TASP1: variants seen among roughly 807,000 people sequenced by gnomAD.
TASP1 encodes the protein taspase 1, also known as threonine aspartase 1.
Under a neutral mutation model 56.6 loss-of-function variants are expected in TASP1, and 16 were observed. The observed-to-expected ratio is 0.28, with a 90% CI of 0.19 to 0.43. The LOEUF is 0.43. Among genes scored for constraint, TASP1 ranks in the 20% least tolerant of loss-of-function variants. The pLI is 1.00. For missense variants in TASP1, 393 were observed against 511.6 expected (o/e 0.77, Z 2.24); for synonymous variants, 179 against 184.2 (o/e 0.97, Z 0.23).
chr20:13,553,990 G>C (rs552849381), intron 8 of TASP1, among the ~76,000 whole-genome samples: 1 of 152,144 alleles, frequency 6.6e-6, no homozygotes, highest in East Asian at 1.9e-4. Flanking sequence ...CTACTAAGGA[G>C]AAGTTTATTG....
intron 13 of TASP1, chr20:13,392,724 G>A: frequency 1.7e-6 from 1 of 573,604 alleles, no homozygotes; most frequent in South Asian, 1.4e-5. Context: ...ATCGGGCGCT[G>A]GTCACCAGGG....
the TASP1 span, among the ~76,000 whole-genome samples, chr20:13,171,933 A>G: frequency 6.6e-6 from 1 of 152,170 alleles, no homozygotes; most frequent in Non-Finnish European, 1.5e-5. Context: ...ATAGGCTGAT[A>G]TGTAAAGGAA....
chr20:13,387,425 G>GTGA (rs1232056827), downstream of TASP1, among the ~76,000 whole-genome samples: 1 of 152,060 alleles, frequency 6.6e-6, no homozygotes, highest in Non-Finnish European at 1.5e-5. Context: ...CTGACCTCAG[G>GTGA]TGATCCACCC....
intron 4 of TASP1, among the ~76,000 whole-genome samples, chr20:13,603,324 A>G (rs980215766): frequency 6.6e-6 from 1 of 152,058 alleles, no homozygotes; most frequent in African/African-American, 2.4e-5. Flanking sequence ...GACAGCTTGA[A>G]TCCGGCAGTT....
the TASP1 span, among the ~76,000 whole-genome samples, chr20:13,306,564 C>CAAAAAAAAAAAAAAAAAAA: frequency 1.6e-4 from 10 of 63,908 alleles, no homozygotes; most frequent in South Asian, 7.8e-4. Context: ...GGAGAAAGGA[C>CAAAAAAAAAAAAAAAAAAA]AAAAAAAAAA....
the TASP1 span, among the ~76,000 whole-genome samples, chr20:13,287,691 A>G: frequency 6.6e-6 from 1 of 152,190 alleles, no homozygotes; most frequent in East Asian, 1.9e-4. Context: ...TATCTCATGT[A>G]CCAAGAATTG....
intron 11 of TASP1, among the ~76,000 whole-genome samples, chr20:13,476,353 T>C (rs1363638929): frequency 1.3e-5 from 2 of 152,212 alleles, no homozygotes; most frequent in African/African-American, 4.8e-5. Context: ...TTCATACATC[T>C]AGGACTACCT....
At chr20:13,324,244 C>G in the TASP1 span, among the ~76,000 whole-genome samples, 1 of 152,272 alleles carries the variant, frequency 6.6e-6, no homozygotes, top group Middle Eastern at 3.4e-3. Flanking sequence ...TTCACAGCCC[C>G]ACCTCACAGG....
chr20:13,432,633 G>A lies in TASP1; in HGVS notation c.1096+2411C>T, dbSNP rs567882498. 6.9e-4 allele frequency among the ~76,000 whole-genome samples: 105 copies of A among 152,204 alleles called. 2 individuals carry two copies. In the South Asian group the frequency reaches 0.019, roughly 27 times the overall value. ...GCATCAACGCCTCCAGTTAATGAAC[G>A]GCAAGGTTTCACTTATTTCATAAAC... is the stretch of plus-strand genomic sequence containing the variant. On this transcript the variant is annotated intron_variant, in intron 12 of 13. Coordinates refer to ENST00000337743, the MANE Select transcript of TASP1 (RefSeq NM_017714.3).
chr20:13,275,761 G>A, the TASP1 span, among the ~76,000 whole-genome samples: 15 of 152,304 alleles, frequency 9.8e-5, no homozygotes, highest in African/African-American at 2.4e-4. Context: ...ATAGATGCTC[G>A]TTGGTGATGA....
At chr20:13,140,444 C>A in the TASP1 span, among the ~76,000 whole-genome samples, 3 of 152,142 alleles carry the variant, frequency 2.0e-5, no homozygotes, top group Non-Finnish European at 4.4e-5. Flanking sequence ...GGTAACCAGG[C>A]ACGAGACTGA....
At chr20:13,561,982 A>C (rs1168149412) in intron 7 of TASP1, among the ~76,000 whole-genome samples, 2 of 152,232 alleles carry the variant, frequency 1.3e-5, no homozygotes, top group Non-Finnish European at 2.9e-5. Flanking sequence ...TCGACAACAG[A>C]ATTCACATTC....
At chr20:13,251,256 C>A in the TASP1 span, among the ~76,000 whole-genome samples, 1 of 152,178 alleles carries the variant, frequency 6.6e-6, no homozygotes, top group Non-Finnish European at 1.5e-5. Context: ...TTCCATCTCA[C>A]CCCCCTTCCA....
intron 10 of TASP1, among the ~76,000 whole-genome samples, chr20:13,496,116 C>T (rs1008729713): frequency 2.6e-5 from 4 of 151,962 alleles, no homozygotes; most frequent in South Asian, 2.1e-4. Flanking sequence ...TGCCCTAGTG[C>T]GATCTCAGCT....
the TASP1 span, among the ~76,000 whole-genome samples, chr20:13,359,773 A>G: frequency 6.6e-6 from 1 of 151,818 alleles, no homozygotes; most frequent in African/African-American, 2.4e-5. Context: ...TTCCTGGACT[A>G]CAGCTATATC....
At chr20:13,111,784 C>T in the TASP1 span, among the ~76,000 whole-genome samples, 1 of 152,200 alleles carries the variant, frequency 6.6e-6, no homozygotes, top group Non-Finnish European at 1.5e-5. Flanking sequence ...CAAAACCCAA[C>T]TGCAAATAAA....
At chr20:13,425,662 T>C (rs1010820414) in intron 12 of TASP1, among the ~76,000 whole-genome samples, 2 of 152,176 alleles carry the variant, frequency 1.3e-5, no homozygotes, top group African/African-American at 2.4e-5. Context: ...CTGGGACATT[T>C]TGCACAGTAT....
chr20:13,275,711 T>C, the TASP1 span, among the ~76,000 whole-genome samples: 1 of 152,220 alleles, frequency 6.6e-6, no homozygotes, highest in Non-Finnish European at 1.5e-5. Context: ...TATGAAGTGC[T>C]TAGCACAGGG....
chr20:13,143,214 C>T, the TASP1 span, among the ~76,000 whole-genome samples: 3 of 152,204 alleles, frequency 2.0e-5, no homozygotes, highest in Non-Finnish European at 2.9e-5. Flanking sequence ...CTGTAGGTGC[C>T]GCAGGTCAGT....
Sources: gnomAD v4.1 joint callset for allele counts (sites outside exome capture counted in the v4.1 genomes callset) on GRCh38, gnomAD v4.1.1 for gene constraint, MANE v1.5 for transcripts, NCBI Gene and HGNC (gene_info 2026-07-23, HGNC 2026-07-21) for gene names.